SUMF1: variants seen among roughly 807,000 people sequenced by gnomAD.
SUMF1 encodes formylglycine-generating enzyme.
In SUMF1, 48 loss-of-function variants were observed where a neutral mutation model predicts 47.6. The ratio of observed to expected loss-of-function variants is 1.01; its 90% CI spans 0.80 to 1.28. SUMF1 has a LOEUF of 1.28. SUMF1 is among the 50% of genes most tolerant of loss of function. The probability of loss-of-function intolerance (pLI) is 0.00; values close to 1 mark genes in which losing one functional copy is unlikely to be tolerated. For missense variants in SUMF1, 571 were observed against 485.4 expected, an observed-to-expected ratio of 1.18 and a Z score of -1.66; for synonymous variants, 230 against 192.1, an observed-to-expected ratio of 1.20 and a Z score of -1.63.
chr3:4,292,927 A>T (rs899243701), intron 8 of SUMF1, among the ~76,000 whole-genome samples: 6 of 152,202 alleles, frequency 3.9e-5, no homozygotes. Flanking sequence ...GTAAAAAACA[A>T]ATTATATTCA....
intron 8 of SUMF1, among the ~76,000 whole-genome samples, chr3:4,079,228 A>G (rs1197890086): frequency 6.6e-6 from 1 of 152,112 alleles, no homozygotes; most frequent in East Asian, 1.9e-4. Context: ...TGTAAATATT[A>G]TTAGCTAACA....
intron 8 of SUMF1, among the ~76,000 whole-genome samples, chr3:4,248,839 T>C (rs1328369937): frequency 1.3e-5 from 2 of 152,230 alleles, no homozygotes; most frequent in African/African-American, 2.4e-5. Context: ...AGAGCCTGCA[T>C]GTGGTATGGA....
intron 8 of SUMF1, among the ~76,000 whole-genome samples, chr3:4,278,611 C>G (rs1252470792): frequency 1.3e-5 from 2 of 152,072 alleles, no homozygotes; most frequent in Non-Finnish European, 2.9e-5. Context: ...GTTATTAAAA[C>G]AGACAACAGA....
intron 8 of SUMF1, among the ~76,000 whole-genome samples, chr3:4,273,809 G>T (rs1417768677): frequency 6.4e-5 from 8 of 124,682 alleles, no homozygotes; most frequent in Non-Finnish European, 6.8e-5. Flanking sequence ...CATGGGAGGG[G>T]AGGGCATGGG....
intron 8 of SUMF1, among the ~76,000 whole-genome samples, chr3:4,106,077 C>G (rs919144262): frequency 1.3e-5 from 2 of 151,920 alleles, no homozygotes; most frequent in African/African-American, 2.4e-5. Flanking sequence ...CCTCTACCAA[C>G]AAACTTTTCA....
chr3:4,194,101 T>C (rs1308185556), intron 8 of SUMF1, among the ~76,000 whole-genome samples: 1 of 152,128 alleles, frequency 6.6e-6, no homozygotes, highest in African/African-American at 2.4e-5. Flanking sequence ...ATTCTATACC[T>C]GTGATGTCCA....
At chr3:4,192,989 G>A (rs1464055570) in intron 8 of SUMF1, among the ~76,000 whole-genome samples, 1 of 151,976 alleles carries the variant, frequency 6.6e-6, no homozygotes, top group African/African-American at 2.4e-5. Flanking sequence ...ATTAGAATAG[G>A]CCTCAATCCA....
At chr3:4,421,215 C>G (rs566236236) in intron 3 of SUMF1, among the ~76,000 whole-genome samples, 1 of 152,212 alleles carries the variant, frequency 6.6e-6, no homozygotes, top group East Asian at 1.9e-4. Flanking sequence ...ACGGTGTGAC[C>G]CTAGGCAACT....
intron 8 of SUMF1, among the ~76,000 whole-genome samples, chr3:4,350,928 T>C (rs367764014): frequency 2.7e-5 from 4 of 150,778 alleles, no homozygotes; most frequent in South Asian, 4.3e-4. Context: ...TAGAGATCAT[T>C]TGTACAACAA....
chr3:4,188,788 T>C (rs953021840), intron 8 of SUMF1, among the ~76,000 whole-genome samples: 1 of 152,212 alleles, frequency 6.6e-6, no homozygotes, highest in African/African-American at 2.4e-5. Context: ...GAGAATTAAG[T>C]GAGCTCATCC....
intron 8 of SUMF1, among the ~76,000 whole-genome samples, chr3:4,242,091 T>C (rs1465830954): frequency 6.6e-6 from 1 of 152,156 alleles, no homozygotes; most frequent in Non-Finnish European, 1.5e-5. Context: ...GTTCTTGGTG[T>C]ATAGGAATGC....
downstream of SUMF1, among the ~76,000 whole-genome samples, chr3:4,358,039 C>A (rs1037266791): frequency 6.6e-6 from 1 of 152,056 alleles, no homozygotes; most frequent in East Asian, 1.9e-4. Flanking sequence ...CATATTGACA[C>A]AGATCTGTAC....
At chr3:4,324,882 A>G (rs967637185) in intron 8 of SUMF1, among the ~76,000 whole-genome samples, 26 of 152,086 alleles carry the variant, frequency 1.7e-4, no homozygotes, top group African/African-American at 6.3e-4. Flanking sequence ...CATGCTGCTG[A>G]TAAAGACATA....
intron 8 of SUMF1, among the ~76,000 whole-genome samples, chr3:4,121,054 G>C (rs1241228537): frequency 6.6e-6 from 1 of 152,050 alleles, no homozygotes; most frequent in Non-Finnish European, 1.5e-5. Flanking sequence ...AAAAACACTG[G>C]ACCAGACTTC....
chr3:4,404,578 C>T (rs925436535), intron 7 of SUMF1, among the ~76,000 whole-genome samples: 37 of 151,968 alleles, frequency 2.4e-4, no homozygotes, highest in African/African-American at 8.0e-4. Context: ...ACCAACATGG[C>T]GAAACCCCGT....
intron 7 of SUMF1, among the ~76,000 whole-genome samples, chr3:4,390,985 G>C (rs1358447222): frequency 6.6e-6 from 1 of 152,202 alleles, no homozygotes; most frequent in Non-Finnish European, 1.5e-5. Context: ...AGAACCAGGA[G>C]TCAAACCTCC....
At chr3:4,456,773 C>CGTGTAT (rs369002229) in intron 1 of SUMF1, among the ~76,000 whole-genome samples, 11 of 4,058 alleles carry the variant, frequency 2.7e-3, no homozygotes, top group African/African-American at 9.8e-3. Flanking sequence ...TATATATACA[C>CGTGTAT]ATATATACGT....
chr3:4,268,502 T>TC (rs1189248497), intron 8 of SUMF1, among the ~76,000 whole-genome samples: 1 of 146,718 alleles, frequency 6.8e-6, no homozygotes, highest in African/African-American at 2.6e-5. Flanking sequence ...TGTTTTTCTT[T>TC]TTTTTTTTTT....
intron 4 of SUMF1, among the ~76,000 whole-genome samples, chr3:4,419,244 C>T (rs1301498126): frequency 1.3e-5 from 2 of 152,226 alleles, no homozygotes; most frequent in Admixed American, 6.5e-5. Flanking sequence ...CTATGACTTT[C>T]CACCTCGAAG....
Sources: allele counts gnomAD v4.1 joint callset (sites outside exome capture counted in the v4.1 genomes callset), GRCh38; gene constraint gnomAD v4.1.1; transcripts MANE v1.5; gene names NCBI Gene and HGNC (gene_info 2026-07-23, HGNC 2026-07-21).